Variants in SIPA1L2 observed in about 807,000 individuals in gnomAD.
The protein encoded by SIPA1L2 is signal induced proliferation associated 1 like 2, also known as signal-induced proliferation-associated 1-like protein 2.
In SIPA1L2, 56 loss-of-function variants were observed where a neutral mutation model predicts 163.9. The ratio of observed to expected loss-of-function variants is 0.34; its 90% CI spans 0.28 to 0.43. The LOEUF is 0.43. SIPA1L2 is among the 20% of genes least tolerant of loss of function. SIPA1L2 has a pLI of 1.00. For missense variants in SIPA1L2, 1,974 were observed against 2,193.5 expected, an observed-to-expected ratio of 0.90 and a Z score of 2.00; for synonymous variants, 877 against 865.7, an observed-to-expected ratio of 1.01 and a Z score of -0.23.
chr1:232,511,360 A>C (rs185386599), intron 3 of SIPA1L2, among the ~76,000 whole-genome samples: 11 of 152,354 alleles, frequency 7.2e-5, no homozygotes, highest in Admixed American at 4.6e-4. Flanking sequence ...TTATGTCATC[A>C]GTATGAGGAC....
rs112801733 is a variant in SIPA1L2 at position 232,505,772 on chromosome 1, G to A, written c.1483+8085C>T. On this transcript the variant is annotated intron_variant, in intron 3 of 22. Coordinates refer to ENST00000674635, the MANE Select transcript of SIPA1L2 (RefSeq NM_020808.5). Reference sequence around the variant, plus strand: ...GGACTTGACGGGACCTCCGTTTGGGGAGGCAATACTGGCCAGGGAGAGAGG... The same window carrying A: ...GGACTTGACGGGACCTCCGTTTGGGAAGGCAATACTGGCCAGGGAGAGAGG... Among the ~76,000 whole-genome samples, 358 of 152,274 alleles carry A rather than the reference G, an allele frequency of 2.4e-3. 2 individuals are homozygous for A. The highest frequency in any genetic ancestry group is 8.0e-3 in the African/African-American group (332 of 41,544).
At position 232,403,538 on chromosome 1, in the gene SIPA1L2, T is replaced by C; in HGVS notation, c.4850A>G (p.Asp1617Gly). ...TTCCAGGTCCTGCCCATGCTGCATA[T>C]CTGTCAGGGTGCAGAAGGATGCCAC... is the stretch of plus-strand genomic sequence containing the variant. ...QRVASFCTLTDMQHGQDLEGA... is the reference protein window; with the variant it reads ...QRVASFCTLTGMQHGQDLEGA... Residue 1617 changes from aspartate (D) to glycine (G), a missense_variant, in exon 21 of 23, where the codon GAT becomes GGT. Around this residue, in one of 3 missense-constraint regions of SIPA1L2, gnomAD observed 1,079 missense variants for 1,150.7 expected, o/e 0.94. Transcript: ENST00000674635. 8.7e-6 allele frequency: 14 copies of C among 1,614,024 alleles called. No individual in the cohort carries two copies. The highest frequency in any genetic ancestry group is 1.2e-5 in the Non-Finnish European group (14 of 1,179,974).
chr1:232,426,270 T>C (rs752871022), intron 17 of SIPA1L2, among the ~76,000 whole-genome samples: 2 of 152,090 alleles, frequency 1.3e-5, no homozygotes, highest in Non-Finnish European at 2.9e-5. Context: ...ATCTAAATAA[T>C]AATAAGACTA....
intron 1 of SIPA1L2, among the ~76,000 whole-genome samples, chr1:232,582,231 A>G (rs1006602283): frequency 4.6e-5 from 7 of 152,078 alleles, no homozygotes; most frequent in Admixed American, 1.3e-4. Flanking sequence ...GGTTTGTTAC[A>G]TGGGTATATT....
intron 7 of SIPA1L2, among the ~76,000 whole-genome samples, chr1:232,472,337 G>C (rs1363675989): frequency 6.6e-6 from 1 of 152,066 alleles, no homozygotes; most frequent in Non-Finnish European, 1.5e-5. Flanking sequence ...CTAATGGTTG[G>C]TTTACTTCTT....
chr1:232,450,141 A>G (rs1424541846), intron 10 of SIPA1L2, among the ~76,000 whole-genome samples: 1 of 152,198 alleles, frequency 6.6e-6, no homozygotes, highest in Non-Finnish European at 1.5e-5. Flanking sequence ...CTTATCCTTT[A>G]TTTTAACTCT....
At chr1:232,621,067 T>C (rs1183715805) in intron 1 of SIPA1L2, among the ~76,000 whole-genome samples, 3 of 152,258 alleles carry the variant, frequency 2.0e-5, no homozygotes, top group Non-Finnish European at 4.4e-5. Context: ...CTTATATTTC[T>C]TTTAATCTTG....
chr1:232,433,665 C>T (rs776578751), intron 15 of SIPA1L2, among the ~76,000 whole-genome samples: 1 of 152,168 alleles, frequency 6.6e-6, no homozygotes, highest in Non-Finnish European at 1.5e-5. Context: ...AGTTAACCAC[C>T]ACCAGAAATA....
chr1:232,605,433 G>A (rs1263953650), intron 1 of SIPA1L2, among the ~76,000 whole-genome samples: 2 of 152,166 alleles, frequency 1.3e-5, no homozygotes, highest in East Asian at 3.9e-4. Flanking sequence ...GGTGGCTCAC[G>A]CCTGTAATTC....
At chr1:232,589,198 A>G (rs1660839694) in intron 1 of SIPA1L2, among the ~76,000 whole-genome samples, 1 of 152,250 alleles carries the variant, frequency 6.6e-6, no homozygotes, top group Admixed American at 6.5e-5. Flanking sequence ...TTTCATTTCA[A>G]TTCATTAAGC....
intron 10 of SIPA1L2, among the ~76,000 whole-genome samples, chr1:232,455,495 C>T (rs1663841937): frequency 6.6e-6 from 1 of 152,094 alleles, no homozygotes; most frequent in African/African-American, 2.4e-5. Flanking sequence ...TCCTGGCTAA[C>T]ACAGTGAAAC....
chr1:232,488,445 G>A (rs941722625), intron 5 of SIPA1L2, among the ~76,000 whole-genome samples: 2 of 152,284 alleles, frequency 1.3e-5, no homozygotes, highest in African/African-American at 4.8e-5. Context: ...AAACTGGGAT[G>A]TTAAAAAAGT....
intron 1 of SIPA1L2, among the ~76,000 whole-genome samples, chr1:232,614,007 C>A (rs1330452971): frequency 6.6e-6 from 1 of 152,160 alleles, no homozygotes; most frequent in African/African-American, 2.4e-5. Flanking sequence ...TTTGCAATTT[C>A]TTTGGCATCT....
chr1:232,417,511 C>G (rs1031173376), intron 18 of SIPA1L2, among the ~76,000 whole-genome samples: 3 of 152,092 alleles, frequency 2.0e-5, no homozygotes, highest in African/African-American at 7.2e-5. Flanking sequence ...AGGAGGGAAG[C>G]AGCAACGCAG....
At chr1:232,504,301 G>C (rs1380063427) in intron 3 of SIPA1L2, among the ~76,000 whole-genome samples, 1 of 152,186 alleles carries the variant, frequency 6.6e-6, no homozygotes, top group Non-Finnish European at 1.5e-5. Flanking sequence ...CACTTTGGAA[G>C]GCCGAGGCAG....
At chr1:232,424,468 C>T (rs1341370869) in intron 18 of SIPA1L2, among the ~76,000 whole-genome samples, 1 of 151,382 alleles carries the variant, frequency 6.6e-6, no homozygotes, top group Non-Finnish European at 1.5e-5. Flanking sequence ...ATAACACTTG[C>T]AGGAAAATAG....
chr1:232,467,412 A>G (rs1470455431), intron 8 of SIPA1L2, among the ~76,000 whole-genome samples: 2 of 152,086 alleles, frequency 1.3e-5, no homozygotes, highest in African/African-American at 2.4e-5. Flanking sequence ...GGTGTGGCCC[A>G]TTTTCCCCTC....
intron 3 of SIPA1L2, among the ~76,000 whole-genome samples, chr1:232,500,454 A>T (rs990793061): frequency 1.3e-5 from 2 of 152,258 alleles, no homozygotes; most frequent in African/African-American, 2.4e-5. Flanking sequence ...TCATGAGAGG[A>T]TGTTAAAATA....
At chr1:232,403,991 A>T in intron 20 of SIPA1L2, 134 bp downstream of exon 20, 1 of 928,744 alleles carries the variant, frequency 1.1e-6, no homozygotes, top group Non-Finnish European at 1.7e-6. Flanking sequence ...TGGAGACAGA[A>T]CAGCCAGGAC....
Sources: allele counts gnomAD v4.1 joint callset (sites outside exome capture counted in the v4.1 genomes callset), GRCh38; gene constraint gnomAD v4.1.1; regional missense constraint gnomAD v4.1.1; transcripts MANE v1.5; gene names NCBI Gene and HGNC (gene_info 2026-07-23, HGNC 2026-07-21).